The following TOPBP1 variants were observed in gnomAD, a reference collection of about 807,000 sequenced individuals.
The protein encoded by TOPBP1 is DNA topoisomerase 2-binding protein 1.
TOPBP1 carries 28 observed loss-of-function variants against 167.7 expected under a neutral mutation model. That is an observed-to-expected ratio of 0.17 (90% CI 0.12 to 0.23). TOPBP1 has a LOEUF of 0.23. TOPBP1 is among the 10% of genes least tolerant of loss of function. The pLI, the probability that TOPBP1 is intolerant of heterozygous loss-of-function variation, is 1.00. For synonymous variants in TOPBP1, 598 were observed against 611.4 expected (o/e 0.98, Z 0.32); for missense variants, 1,554 against 1,809.6 (o/e 0.86, Z 2.56).
At chr3:133,661,015 C>G in intron 2 of TOPBP1, 29 bp downstream of exon 2, 1 of 1,484,890 alleles carries the variant, frequency 6.7e-7, no homozygotes, top group Non-Finnish European at 9.1e-7. Flanking sequence ...AAAATGAATT[C>G]ACGGTATTAA....
rs754150458 is a variant in TOPBP1 at position 133,652,517 on chromosome 3, T to C, written c.1035A>G (p.Glu345=). 28 of 1,611,858 alleles carry C rather than the reference T, an allele frequency of 1.7e-5. No homozygotes were observed. Among genetic ancestry groups the C allele is most frequent in the Admixed American group, 6.7e-5 (4 of 59,918 alleles). ...CTTGAAATGCACTGACATCCAGATT[T>C]TCTAGATTTTCAAGTGTAGGCTCCA... is the stretch of plus-strand genomic sequence containing the variant. The part of the protein sequence containing the change: ...SKLEPTLENL[E]NLDVSAFQAP... The change falls in exon 8 of 28, where the codon GAA becomes GAG. Residue 345 remains glutamate (E), a synonymous_variant. Transcript: ENST00000260810.
Position 133,628,612 on chromosome 3 carries a change from T to A in TOPBP1, c.2642A>T (p.Asn881Ile). The change falls in exon 15 of 28, where the codon AAT (asparagine) becomes ATT (isoleucine). Residue 881 changes from asparagine to isoleucine, a missense_variant. Around this residue, in one of 3 missense-constraint regions of TOPBP1, gnomAD observed 1,197 missense variants for 1,351.5 expected, o/e 0.89. Coordinates refer to ENST00000260810, the MANE Select transcript of TOPBP1 (RefSeq NM_007027.4). ...LQLALANSSRNAVALSASPQL... is the reference protein window; with the variant it reads ...LQLALANSSRIAVALSASPQL... Reference sequence around the variant, plus strand: ...AGGGCTGGCAGAAAGAGCGACAGCATTTCGAGAGCTATTTGCCAAAGCAAG... The same window carrying A: ...AGGGCTGGCAGAAAGAGCGACAGCAATTCGAGAGCTATTTGCCAAAGCAAG... The A allele has an allele frequency of 6.2e-7, 1 of 1,609,568 alleles. No homozygotes were observed. The highest frequency in any genetic ancestry group is 8.5e-7 in the Non-Finnish European group (1 of 1,177,890).
chr3:133,641,090 CTA>C (rs1935877182), intron 12 of TOPBP1, among the ~76,000 whole-genome samples: 2 of 151,336 alleles, frequency 1.3e-5, no homozygotes, highest in East Asian at 1.9e-4. Flanking sequence ...CTTTTTTTTT[CTA>C]TGTTTTGTGT....
chr3:133,620,399 T>C (rs1464242472), intron 19 of TOPBP1, 52 bp from the exon 20 acceptor site: 1 of 1,552,552 alleles, frequency 6.4e-7, no homozygotes, highest in Non-Finnish European at 8.7e-7. Context: ...TTTTTTACCA[T>C]ATCTTACATT....
intron 27 of TOPBP1, among the ~76,000 whole-genome samples, chr3:133,602,972 T>C (rs567516725): frequency 1.3e-5 from 2 of 150,034 alleles, no homozygotes; most frequent in East Asian, 4.0e-4. Flanking sequence ...CTTGGCTCAC[T>C]GCAGCCTCCG....
At chr3:133,620,924 G>T (rs1935070951) in intron 19 of TOPBP1, among the ~76,000 whole-genome samples, 1 of 151,874 alleles carries the variant, frequency 6.6e-6, no homozygotes. Context: ...CCTCTGTAAA[G>T]CTCCCTGCCT....
Position 133,652,606 on chromosome 3 carries a change from T to C in TOPBP1, c.946A>G (p.Asn316Asp). 6.2e-7 allele frequency: 1 copy of C among 1,610,264 alleles called. No homozygotes were observed. ...CAACTTGCATTTATGTTGGAAATAT[T>C]GCTGACATCTGAAAGAGTACGACCT... ...IDSRTLSDVS[N>D]ISNINASCVS... Residue 316 changes from asparagine (N) to aspartate (D), a missense_variant, in exon 8 of 28, where the codon AAT becomes GAT. Physicochemically the swap from Asn to Asp is conservative, Grantham distance 23. Around this residue, in one of 3 missense-constraint regions of TOPBP1, gnomAD observed 1,197 missense variants for 1,351.5 expected, o/e 0.89. Coordinates refer to ENST00000260810, the MANE Select transcript of TOPBP1 (RefSeq NM_007027.4).
chr3:133,658,042 T>C, intron 3 of TOPBP1, 101 bp from the exon 4 acceptor site: 1 of 949,484 alleles, frequency 1.1e-6, no homozygotes, highest in Non-Finnish European at 1.5e-6. Flanking sequence ...CCAAAGTTGA[T>C]GACCACTGTA....
intron 16 of TOPBP1, among the ~76,000 whole-genome samples, chr3:133,626,600 A>C (rs1309588634): frequency 6.6e-6 from 1 of 152,220 alleles, no homozygotes; most frequent in Non-Finnish European, 1.5e-5. Flanking sequence ...TTGATGGAAG[A>C]CCACTGCTAC....
In TOPBP1 at chr3:133,608,553, A is replaced by G; in HGVS notation, c.4407T>C (p.Ile1469=). The G allele has an allele frequency of 6.2e-7, 1 of 1,613,658 alleles. No individual in the cohort carries two copies. Among genetic ancestry groups the G allele is most frequent in the Non-Finnish European group, 8.5e-7 (1 of 1,179,716 alleles). ...CACAAACCTGCATGAGATAATCAGC[A>G]ATGTATTCTGTTCTCAAGCAGTACA... ...QNVYCLRTEY[I]ADYLMQESPP... is the part of the protein sequence containing the mutation. The change falls in exon 27 of 28, where the codon ATT becomes ATC. Residue 1469 remains isoleucine, a synonymous_variant. Transcript: ENST00000260810.
chr3:133,640,445 A>G (rs1935859117), intron 12 of TOPBP1, among the ~76,000 whole-genome samples: 1 of 152,126 alleles, frequency 6.6e-6, no homozygotes, highest in Non-Finnish European at 1.5e-5. Context: ...GGGTCTTGCT[A>G]TGTTGTCCAG....
intron 19 of TOPBP1, among the ~76,000 whole-genome samples, chr3:133,622,247 A>G (rs1385696814): frequency 6.9e-6 from 1 of 144,272 alleles, no homozygotes; most frequent in African/African-American, 2.6e-5. Context: ...CTGGAGTGCA[A>G]TGGCATGATC....
In TOPBP1 at chr3:133,612,382, TA is replaced by T; in HGVS notation, c.4035+6del. On this transcript the variant is annotated splice_donor_region_variant and intron_variant, in intron 24 of 27. Coordinates refer to ENST00000260810, the MANE Select transcript of TOPBP1 (RefSeq NM_007027.4). ...AAAAATAAACTTCCACAAATCTGAATACACACCTGCACGAAGTGTCCAGCAG... is the reference window on the plus strand; with the variant it reads ...AAAAATAAACTTCCACAAATCTGAATCACACCTGCACGAAGTGTCCAGCAG... 6.2e-7 allele frequency: 1 copy of T among 1,613,570 alleles called. No individual in the cohort carries two copies. Among genetic ancestry groups the T allele is most frequent in the Non-Finnish European group, 8.5e-7 (1 of 1,179,694 alleles).
At chr3:133,647,984 C>CA (rs1379004781) in intron 10 of TOPBP1, among the ~76,000 whole-genome samples, 5 of 152,098 alleles carry the variant, frequency 3.3e-5, no homozygotes, top group South Asian at 2.1e-4. Flanking sequence ...TAACAAAAAG[C>CA]AAAAAATCTA....
intron 27 of TOPBP1, among the ~76,000 whole-genome samples, chr3:133,603,490 G>A (rs1166986131): frequency 6.6e-6 from 1 of 152,038 alleles, no homozygotes; most frequent in Non-Finnish European, 1.5e-5. Context: ...TTAAATATAT[G>A]ACACAGACAA....
chr3:133,624,029 G>C (rs754933554), intron 17 of TOPBP1, 23 bp downstream of exon 17: 7 of 1,603,276 alleles, frequency 4.4e-6, no homozygotes, highest in East Asian at 2.2e-5. Context: ...AACAGAGATG[G>C]GGGGGAAAAA....
chr3:133,627,654 T>C (rs1463633705), intron 16 of TOPBP1, among the ~76,000 whole-genome samples: 1 of 152,204 alleles, frequency 6.6e-6, no homozygotes, highest in Non-Finnish European at 1.5e-5. Flanking sequence ...GTTCATCATT[T>C]GTTAAACAAA....
chr3:133,632,486 C>T (rs1935519262), intron 14 of TOPBP1, among the ~76,000 whole-genome samples: 1 of 152,134 alleles, frequency 6.6e-6, no homozygotes, highest in African/African-American at 2.4e-5. Flanking sequence ...ATTAATACAC[C>T]TTTATAGATC....
intron 27 of TOPBP1, among the ~76,000 whole-genome samples, chr3:133,603,967 T>TTAA (rs1559803302): frequency 1.3e-5 from 2 of 151,808 alleles, no homozygotes; most frequent in African/African-American, 2.4e-5. Context: ...AGAATTAAAA[T>TTAA]TATAGAGTAT....
Sources: allele counts gnomAD v4.1 joint callset (sites outside exome capture counted in the v4.1 genomes callset), GRCh38; gene constraint gnomAD v4.1.1; regional missense constraint gnomAD v4.1.1; transcripts MANE v1.5; gene names NCBI Gene and HGNC (gene_info 2026-07-23, HGNC 2026-07-21).